Variants in PHACTR1 observed in about 807,000 individuals in gnomAD.
PHACTR1 encodes phosphatase and actin regulator 1, also known as RPEL repeat containing 1.
In PHACTR1, 16 loss-of-function variants were observed where a neutral mutation model predicts 69.2. The ratio of observed to expected loss-of-function variants is 0.23; its 90% CI spans 0.16 to 0.35. The LOEUF (loss-of-function observed/expected upper bound fraction) is 0.35, where lower values mean the gene tolerates loss of function less well. PHACTR1 is among the 10% of genes least tolerant of loss of function. PHACTR1 has a pLI of 1.00. For synonymous variants in PHACTR1, 312 were observed against 284.5 expected (o/e 1.10, Z -0.97); for missense variants, 510 against 734.7 (o/e 0.69, Z 3.54).
At chr6:12,805,939 T>C (rs779807262) in intron 4 of PHACTR1, among the ~76,000 whole-genome samples, 8 of 152,212 alleles carry the variant, frequency 5.3e-5, no homozygotes, top group South Asian at 2.1e-4. Flanking sequence ...CATTTGCCAA[T>C]GTTGACTACA....
At chr6:12,795,353 A>G (rs866430374) in intron 4 of PHACTR1, among the ~76,000 whole-genome samples, 25 of 152,334 alleles carry the variant, frequency 1.6e-4, no homozygotes, top group Middle Eastern at 6.8e-3. Context: ...AGCTGTGTCA[A>G]TTAAGGATGT....
Position 12,768,809 on chromosome 6 carries a change from T to TACACAC in PHACTR1, c.250+19067_250+19072dup, listed in dbSNP as rs4053038. 7.6e-3 allele frequency among the ~76,000 whole-genome samples: 939 copies of TACACAC among 123,346 alleles called. 12 individuals carry two copies. Among genetic ancestry groups the TACACAC allele is most frequent in the African/African-American group, 0.026 (822 of 31,892 alleles). The allele number at this position is 123,346 out of a possible 152,430, so 80.9% of individuals were successfully genotyped here. A position where few individuals can be genotyped will look rare whatever the true frequency, so the allele number is the denominator to read the frequency against. On this transcript the variant is annotated intron_variant, in intron 4 of 14. Coordinates refer to ENST00000332995, the MANE Select transcript of PHACTR1 (RefSeq NM_030948.6). ...GAATGGATAAAGAAAATGTGCTATC[T>TACACAC]ACACACACACACACACACACACACA...
At chr6:13,100,425 GAC>G (rs1207066933) in intron 5 of PHACTR1, among the ~76,000 whole-genome samples, 1 of 152,134 alleles carries the variant, frequency 6.6e-6, no homozygotes, top group Non-Finnish European at 1.5e-5. Context: ...AAACTACGAA[GAC>G]ACACCATTCA....
At chr6:13,081,350 AT>A (rs1340569112) in intron 5 of PHACTR1, among the ~76,000 whole-genome samples, 14 of 152,198 alleles carry the variant, frequency 9.2e-5, no homozygotes. Flanking sequence ...AAAACAACGA[AT>A]TTAAGAGAAA....
intron 3 of PHACTR1, among the ~76,000 whole-genome samples, chr6:12,741,402 C>CT (rs1315097109): frequency 1.3e-5 from 2 of 151,078 alleles, no homozygotes; most frequent in Non-Finnish European, 3.0e-5. Flanking sequence ...TATTATTAAC[C>CT]TTTCATATTT....
intron 4 of PHACTR1, among the ~76,000 whole-genome samples, chr6:13,013,768 G>A (rs1254223855): frequency 6.6e-6 from 1 of 150,752 alleles, no homozygotes; most frequent in Non-Finnish European, 1.5e-5. Flanking sequence ...CCGCCGCGGC[G>A]GTGCTTATAT....
chr6:12,885,007 G>C (rs1582281948), intron 4 of PHACTR1, among the ~76,000 whole-genome samples: 1 of 152,312 alleles, frequency 6.6e-6, no homozygotes, highest in East Asian at 1.9e-4. Flanking sequence ...CCTAGAGGAT[G>C]AACAGGACCA....
At chr6:13,085,103 T>C (rs9473446) in intron 5 of PHACTR1, among the ~76,000 whole-genome samples, 8,412 of 152,064 alleles carry the variant, frequency 0.055, 775 homozygotes, top group African/African-American at 0.19. Context: ...TGCAAACATT[T>C]TTTCCATATC....
intron 4 of PHACTR1, among the ~76,000 whole-genome samples, chr6:12,914,184 G>A (rs1347113651): frequency 1.3e-5 from 2 of 152,094 alleles, no homozygotes; most frequent in Non-Finnish European, 2.9e-5. Context: ...ATTTGTAGTA[G>A]AGACGGGGTT....
chr6:12,742,378 C>T (rs1024533264), intron 3 of PHACTR1, among the ~76,000 whole-genome samples: 14 of 152,056 alleles, frequency 9.2e-5, no homozygotes, highest in South Asian at 2.1e-4. Flanking sequence ...TCTTTTAGCA[C>T]GCTAATTCAT....
intron 5 of PHACTR1, among the ~76,000 whole-genome samples, chr6:13,055,225 A>G (rs1035302106): frequency 6.6e-6 from 1 of 152,172 alleles, no homozygotes; most frequent in East Asian, 1.9e-4. Context: ...ATAAATTTCT[A>G]AATCATTACC....
chr6:12,900,567 G>T (rs1785089247), intron 4 of PHACTR1, among the ~76,000 whole-genome samples: 1 of 152,294 alleles, frequency 6.6e-6, no homozygotes, highest in South Asian at 2.1e-4. Flanking sequence ...GCGTACTGGT[G>T]TGTGCCTGTA....
intron 4 of PHACTR1, among the ~76,000 whole-genome samples, chr6:12,750,451 T>G: frequency 7.1e-6 from 1 of 141,092 alleles, no homozygotes; most frequent in Admixed American, 7.4e-5. Flanking sequence ...GAAGGGAAGA[T>G]AGGGAGGAAA....
chr6:13,019,713 A>G (rs1800692483), intron 4 of PHACTR1, among the ~76,000 whole-genome samples: 1 of 152,202 alleles, frequency 6.6e-6, no homozygotes, highest in African/African-American at 2.4e-5. Flanking sequence ...AAATATCCTC[A>G]TTTGTCTAAA....
intron 13 of PHACTR1, among the ~76,000 whole-genome samples, chr6:13,284,723 A>G (rs1781267534): frequency 6.6e-6 from 1 of 151,802 alleles, no homozygotes; most frequent in South Asian, 2.1e-4. Flanking sequence ...TATATGATAC[A>G]GCAGGAAGTC....
At position 13,283,370 on chromosome 6, in the gene PHACTR1, G is replaced by A; in HGVS notation, c.1510-52G>A. 1.3e-6 allele frequency: 2 copies of A among 1,591,712 alleles called. No homozygotes were observed. Among genetic ancestry groups the A allele is most frequent in the Non-Finnish European group, 1.7e-6 (2 of 1,167,532 alleles). The stretch of plus-strand genomic sequence containing the variant: ...TGCAAGTTCACAGACAGGACCAAGT[G>A]CCATGGTCAACCCTTCTGGCTGACT... On this transcript the variant is annotated intron_variant, in intron 12 of 14. Coordinates refer to ENST00000332995, the MANE Select transcript of PHACTR1 (RefSeq NM_030948.6). This position sits in a 1 kb window ranked among gnomAD's most constrained non-coding sequence, Gnocchi z 4.7.
intron 4 of PHACTR1, among the ~76,000 whole-genome samples, chr6:12,930,504 C>T (rs1788751444): frequency 6.6e-6 from 1 of 152,176 alleles, no homozygotes; most frequent in Non-Finnish European, 1.5e-5. Context: ...CGTTGCCAGC[C>T]ACATCTGCCC....
intron 4 of PHACTR1, among the ~76,000 whole-genome samples, chr6:12,968,923 A>G (rs1793825571): frequency 2.0e-5 from 3 of 152,234 alleles, no homozygotes; most frequent in Non-Finnish European, 4.4e-5. Context: ...AAACTTTCAA[A>G]TGCATTAGAA....
intron 4 of PHACTR1, among the ~76,000 whole-genome samples, chr6:12,939,289 G>A (rs900018782): frequency 9.9e-5 from 15 of 152,136 alleles, no homozygotes; most frequent in Non-Finnish European, 1.5e-5. Flanking sequence ...GATGCCTTAG[G>A]TAGGTGGTGC....
Sources: allele counts gnomAD v4.1 joint callset (sites outside exome capture counted in the v4.1 genomes callset), GRCh38; gene constraint gnomAD v4.1.1; non-coding constraint Gnocchi (gnomAD v3.1); transcripts MANE v1.5; gene names NCBI Gene and HGNC (gene_info 2026-07-23, HGNC 2026-07-21).